TAFA2: variants seen among roughly 807,000 people sequenced by gnomAD.
TAFA2 encodes the protein chemokine-like protein TAFA-2.
A neutral mutation model predicts 18.8 loss-of-function variants in TAFA2; 7 were observed. That is an observed-to-expected ratio of 0.37 (90% confidence interval 0.21 to 0.70). TAFA2 has a LOEUF of 0.70. Ranked by LOEUF, TAFA2 falls within the 30% of genes least tolerant of loss-of-function variation. The pLI is 0.53. For missense variants in TAFA2, 122 were observed against 158.1 expected (o/e 0.77, Z 1.23); for synonymous variants, 60 against 54.2 (o/e 1.11, Z -0.47).
rs564143039 is a variant in TAFA2 at position 62,246,459 on chromosome 12, T to C, written c.-130+12304A>G. Among the ~76,000 whole-genome samples the C allele has an allele frequency of 4.6e-5, 7 of 152,378 alleles. No homozygotes were observed. In the South Asian group the frequency reaches 1.4e-3, roughly 32 times the overall value. On this transcript the variant is annotated intron_variant, in intron 1 of 5. Coordinates refer to the TAFA2 transcript ENST00000551619. ...AATTTTTGTAAATATTTCATCATTA[T>C]TTGAAATAACCTATATTCTTTAATT...
At chr12:61,744,654 A>T (rs941127054) in intron 4 of TAFA2, among the ~76,000 whole-genome samples, 3 of 152,064 alleles carry the variant, frequency 2.0e-5, no homozygotes, top group Non-Finnish European at 2.9e-5. Context: ...TCCTAGGATC[A>T]AGCAACTTTC....
intron 1 of TAFA2, among the ~76,000 whole-genome samples, chr12:61,932,158 GA>G (rs1041087941): frequency 3.3e-5 from 5 of 152,174 alleles, no homozygotes; most frequent in African/African-American, 1.2e-4. Context: ...TTTAAAGGGA[GA>G]AAACCAGATT....
Position 62,233,066 on chromosome 12 carries a change from CTTTTTTTTTTTTTTTTTT to C in TAFA2, c.-130+25679_-130+25696del, listed in dbSNP as rs34781688. Among the ~76,000 whole-genome samples, 12 of 39,536 alleles carry C rather than the reference CTTTTTTTTTTTTTTTTTT, an allele frequency of 3.0e-4. No individual in the cohort carries two copies. In the Admixed American group the frequency reaches 3.4e-3, roughly 11 times the overall value. 25.9% of individuals were successfully genotyped at this position (39,536 alleles called of 152,430 possible). ...TGTCCTCCCAGCAATTTCTGCATCT[CTTTTTTTTTTTTTTTTTT>C]TTTTTTTTTTTTTTGAGATACAGCC... On this transcript the variant is annotated intron_variant, in intron 1 of 5. Transcript: ENST00000551619.
intron 2 of TAFA2, among the ~76,000 whole-genome samples, chr12:61,764,967 T>C (rs1239085347): frequency 6.6e-6 from 1 of 152,078 alleles, no homozygotes; most frequent in Non-Finnish European, 1.5e-5. Context: ...AATAGTAATA[T>C]AGGACAGTGG....
At chr12:61,895,859 C>A (rs1291132576) in intron 1 of TAFA2, among the ~76,000 whole-genome samples, 1 of 151,828 alleles carries the variant, frequency 6.6e-6, no homozygotes, top group African/African-American at 2.4e-5. Flanking sequence ...TAAAATATAA[C>A]CAGTAATCTA....
intron 1 of TAFA2, among the ~76,000 whole-genome samples, chr12:61,969,048 T>C (rs1592520621): frequency 2.6e-5 from 4 of 151,688 alleles, no homozygotes; most frequent in Non-Finnish European, 5.9e-5. Context: ...TAAATGATTA[T>C]CACACAGGAA....
intron 2 of TAFA2, among the ~76,000 whole-genome samples, chr12:61,755,873 A>G (rs531364616): frequency 8.5e-5 from 13 of 152,066 alleles, no homozygotes; most frequent in Non-Finnish European, 1.8e-4. Context: ...TCAAATAGTA[A>G]TCCTACTGTG....
intron 1 of TAFA2, among the ~76,000 whole-genome samples, chr12:61,937,056 C>T (rs988787115): frequency 6.6e-6 from 1 of 152,016 alleles, no homozygotes; most frequent in Non-Finnish European, 1.5e-5. Context: ...ATCCTTTTTA[C>T]CATAGCTGCA....
chr12:61,816,331 A>G (rs1010318808), intron 2 of TAFA2, among the ~76,000 whole-genome samples: 1 of 151,446 alleles, frequency 6.6e-6, no homozygotes, highest in South Asian at 2.1e-4. Context: ...AGCTCCATCC[A>G]TGTTCCTGCA....
At chr12:62,153,086 C>T (rs140822239) in intron 1 of TAFA2, among the ~76,000 whole-genome samples, 1 of 152,238 alleles carries the variant, frequency 6.6e-6, no homozygotes, top group African/African-American at 2.4e-5. Context: ...CTAATTCCCA[C>T]AATTGAAATT....
At chr12:62,251,560 T>C (rs779763302) in intron 1 of TAFA2, among the ~76,000 whole-genome samples, 3 of 152,112 alleles carry the variant, frequency 2.0e-5, no homozygotes, top group African/African-American at 4.8e-5. Flanking sequence ...GACTCTGAGA[T>C]GGAAAATAGC....
intron 1 of TAFA2, among the ~76,000 whole-genome samples, chr12:62,062,531 T>A (rs1882377612): frequency 6.6e-6 from 1 of 152,134 alleles, no homozygotes; most frequent in African/African-American, 2.4e-5. Flanking sequence ...TAAGGTCCAA[T>A]CCCACTACCT....
intron 1 of TAFA2, among the ~76,000 whole-genome samples, chr12:62,210,705 T>A (rs1192775967): frequency 1.3e-5 from 2 of 152,174 alleles, no homozygotes; most frequent in African/African-American, 4.8e-5. Flanking sequence ...AGCAGCCAAA[T>A]TTTTTAATGA....
intron 1 of TAFA2, among the ~76,000 whole-genome samples, chr12:62,178,232 C>T (rs2062527171): frequency 6.6e-6 from 1 of 152,148 alleles, no homozygotes; most frequent in African/African-American, 2.4e-5. Flanking sequence ...CCCGAGAGAT[C>T]GAGGCTGCAG....
At chr12:62,099,101 G>A (rs1223363672) in intron 1 of TAFA2, among the ~76,000 whole-genome samples, 2 of 152,094 alleles carry the variant, frequency 1.3e-5, no homozygotes, top group Non-Finnish European at 2.9e-5. Flanking sequence ...TGCCATGACA[G>A]AAAGAGACTT....
chr12:62,154,475 T>A (rs1319578370), intron 1 of TAFA2, among the ~76,000 whole-genome samples: 1 of 152,158 alleles, frequency 6.6e-6, no homozygotes, highest in Non-Finnish European at 1.5e-5. Context: ...CTAGCCCAGT[T>A]AAAATTAGGG....
chr12:62,015,910 G>A (rs1275880285), intron 1 of TAFA2, among the ~76,000 whole-genome samples: 2 of 152,184 alleles, frequency 1.3e-5, no homozygotes, highest in Admixed American at 1.3e-4. Context: ...ATGGGGATTT[G>A]TATTTAATGG....
chr12:61,785,361 T>TGTGTG (rs1870692724), intron 2 of TAFA2, among the ~76,000 whole-genome samples: 113 of 83,276 alleles, frequency 1.4e-3, no homozygotes, highest in Non-Finnish European at 2.0e-3. Context: ...GTGTGTGTGT[T>TGTGTG]TGTGTGTGTG....
chr12:62,040,819 T>C (rs1440260876), intron 1 of TAFA2, among the ~76,000 whole-genome samples: 1 of 152,192 alleles, frequency 6.6e-6, no homozygotes, highest in Non-Finnish European at 1.5e-5. Context: ...ACCATAGGAC[T>C]GAAGAGGTCA....
Sources: gnomAD v4.1 joint callset for allele counts (sites outside exome capture counted in the v4.1 genomes callset) on GRCh38, gnomAD v4.1.1 for gene constraint, MANE v1.5 for transcripts, NCBI Gene and HGNC (gene_info 2026-07-23, HGNC 2026-07-21) for gene names.